KANK1: variants seen among roughly 807,000 people sequenced by gnomAD.
The protein encoded by KANK1 is KN motif and ankyrin repeat domain-containing protein 1.
In KANK1, 109 loss-of-function variants were observed where a neutral mutation model predicts 106.2. That is an observed-to-expected ratio of 1.03 (90% confidence interval 0.88 to 1.20). The LOEUF is 1.20. Ranked by LOEUF, KANK1 falls within the 50% of genes most tolerant of loss-of-function variation. KANK1 has a pLI of 0.00. For missense variants in KANK1, 2,399 were observed against 1,710.7 expected (o/e 1.40, Z -7.10); for synonymous variants, 873 against 652.2 (o/e 1.34, Z -5.16).
chr9:706,002 CAGGGACTCATA>C (rs1306756962), intron 2 of KANK1, among the ~76,000 whole-genome samples: 1 of 152,016 alleles, frequency 6.6e-6, no homozygotes, highest in Non-Finnish European at 1.5e-5. Flanking sequence ...GGAAATAAAT[CAGGGACTCATA>C]AGTGCCTAAT....
At chr9:485,810 G>A (rs936914742) in intron 3 of KANK1, among the ~76,000 whole-genome samples, 1 of 151,070 alleles carries the variant, frequency 6.6e-6, no homozygotes, top group African/African-American at 2.4e-5. Context: ...GGCGGAGGCT[G>A]CAGTGAGCCA....
intron 1 of KANK1, among the ~76,000 whole-genome samples, chr9:572,112 C>G (rs925125925): frequency 6.8e-6 from 1 of 147,866 alleles, no homozygotes; most frequent in Non-Finnish European, 1.5e-5. Flanking sequence ...TTTCCCTCCA[C>G]TAATACAACT....
At chr9:476,294 G>A (rs2058101075) in intron 3 of KANK1, among the ~76,000 whole-genome samples, 1 of 152,188 alleles carries the variant, frequency 6.6e-6, no homozygotes, top group Non-Finnish European at 1.5e-5. Flanking sequence ...GCCGAGGCGG[G>A]TGGATCACCT....
chr9:528,167 T>A (rs1401823668), intron 1 of KANK1, among the ~76,000 whole-genome samples: 3 of 151,940 alleles, frequency 2.0e-5, no homozygotes, highest in Non-Finnish European at 4.4e-5. Context: ...TTTTTAGGAT[T>A]TTTCTTTTTG....
intron 1 of KANK1, among the ~76,000 whole-genome samples, chr9:567,191 C>A (rs6476991): frequency 0.42 from 64,447 of 151,910 alleles, 16,049 homozygotes; most frequent in East Asian, 0.85. Context: ...TCGTCTGTTC[C>A]CTTGGTCTGT....
chr9:605,630 G>A (rs1398004071), intron 1 of KANK1, among the ~76,000 whole-genome samples: 1 of 151,820 alleles, frequency 6.6e-6, no homozygotes, highest in Admixed American at 6.5e-5. Flanking sequence ...TGGAGAGGTA[G>A]CAAGAGACCC....
In KANK1 at chr9:710,868, G is replaced by A; in HGVS notation, c.102G>A (p.Glu34=). Residue 34 remains glutamate (E), a synonymous_variant, in exon 3 of 12, where the codon GAG becomes GAA. Coordinates refer to ENST00000382297, the MANE Select transcript of KANK1 (RefSeq NM_015158.5). The part of the protein sequence containing the change: ...DKEQKDPYFV[E]TPYGYQLDLD... The stretch of plus-strand genomic sequence containing the variant: ...AACAGAAAGACCCTTACTTTGTGGA[G>A]ACCCCCTATGGTTATCAACTAGACT... 2.5e-6 allele frequency: 4 copies of A among 1,613,522 alleles called. No individual in the cohort carries two copies. Among genetic ancestry groups the A allele is most frequent in the Non-Finnish European group, 3.4e-6 (4 of 1,179,728 alleles).
chr9:636,103 A>G (rs1837073189), intron 1 of KANK1, among the ~76,000 whole-genome samples: 1 of 152,156 alleles, frequency 6.6e-6, no homozygotes, highest in African/African-American at 2.4e-5. Flanking sequence ...TTATTGGAGG[A>G]GCTTTCAAAC....
intron 1 of KANK1, among the ~76,000 whole-genome samples, chr9:511,108 TGGAAA>T (rs1170400065): frequency 1.3e-5 from 2 of 152,264 alleles, no homozygotes; most frequent in Admixed American, 6.5e-5. Context: ...AGGTTCACTC[TGGAAA>T]GGAAAGGGAT....
At chr9:517,952 G>T (rs1587438237) in intron 1 of KANK1, among the ~76,000 whole-genome samples, 1 of 151,432 alleles carries the variant, frequency 6.6e-6, no homozygotes, top group African/African-American at 2.4e-5. Flanking sequence ...TGGCCGGGCT[G>T]GTCTTGAACT....
intron 1 of KANK1, among the ~76,000 whole-genome samples, chr9:539,130 C>A: frequency 6.6e-6 from 1 of 152,176 alleles, no homozygotes; most frequent in Non-Finnish European, 1.5e-5. Context: ...ATCCACCTGC[C>A]TCGGCCTCCC....
chr9:730,701 GA>G (rs1375636183), intron 4 of KANK1: 5 of 190,572 alleles, frequency 2.6e-5, no homozygotes, highest in African/African-American at 1.2e-4. Flanking sequence ...TCAAAATTAC[GA>G]AAGAAAGCTG....
intron 1 of KANK1, among the ~76,000 whole-genome samples, chr9:568,828 A>G (rs1818463170): frequency 6.6e-6 from 1 of 152,236 alleles, no homozygotes; most frequent in Non-Finnish European, 1.5e-5. Flanking sequence ...GTGTATGATT[A>G]GAAGCAAAAT....
intron 1 of KANK1, among the ~76,000 whole-genome samples, chr9:505,016 C>A (rs575693349): frequency 2.9e-4 from 44 of 151,660 alleles, no homozygotes; most frequent in African/African-American, 1.0e-3. Context: ...TTGGCGCGCT[C>A]TGCAGCGGCG....
At chr9:558,002 C>CA (rs397708884) in intron 1 of KANK1, among the ~76,000 whole-genome samples, 2 of 151,650 alleles carry the variant, frequency 1.3e-5, no homozygotes, top group African/African-American at 4.8e-5. Flanking sequence ...AAGACTCTCT[C>CA]AAAAAACAAA....
Position 524,322 on chromosome 9 carries a change from A to G in KANK1, c.-84+19568A>G, listed in dbSNP as rs117024218. Reference sequence around the variant, plus strand: ...TTTTGTTGTTTTTTTTTTCTTGACAATAACTCTGCCTTTTATTGTTTGACT... The same window carrying G: ...TTTTGTTGTTTTTTTTTTCTTGACAGTAACTCTGCCTTTTATTGTTTGACT... On this transcript the variant is annotated intron_variant, in intron 1 of 11. Transcript: ENST00000382297. 1.9e-4 allele frequency among the ~76,000 whole-genome samples: 28 copies of G among 150,990 alleles called. 1 individual carries two copies. The East Asian group carries it at 4.7e-3, about 25-fold the overall frequency.
chr9:738,419 C>T lies in KANK1; in HGVS notation c.3468C>T (p.Asn1156=), dbSNP rs748948018. 1.2e-6 allele frequency: 2 copies of T among 1,614,130 alleles called. No individual in the cohort carries two copies. The highest frequency in any genetic ancestry group is 1.7e-6 in the Non-Finnish European group (2 of 1,180,024). The change falls in exon 8 of 12, where the codon AAC becomes AAT. Residue 1156 remains asparagine (N), a synonymous_variant. Transcript: ENST00000382297. ...CAGATGTCCTCCGCTATGTCATCAA[C>T]TTGGCAGACGGCAACGGCAACACAG... ...ISPDVLRYVI[N]LADGNGNTAL...
intron 1 of KANK1, among the ~76,000 whole-genome samples, chr9:666,675 C>T (rs1264837576): frequency 6.6e-6 from 1 of 152,080 alleles, no homozygotes; most frequent in Non-Finnish European, 1.5e-5. Context: ...TTATTGAATA[C>T]TTTTCAGCAC....
intron 1 of KANK1, among the ~76,000 whole-genome samples, chr9:627,185 CT>C (rs926761200): frequency 3.9e-5 from 6 of 152,164 alleles, no homozygotes; most frequent in African/African-American, 1.4e-4. Context: ...TCCTGTCCTA[CT>C]CTTCATTTTA....
Sources: allele counts gnomAD v4.1 joint callset (sites outside exome capture counted in the v4.1 genomes callset), GRCh38; gene constraint gnomAD v4.1.1; transcripts MANE v1.5; gene names NCBI Gene and HGNC (gene_info 2026-07-23, HGNC 2026-07-21).